NEB: variants seen among roughly 807,000 people sequenced by gnomAD.
NEB encodes the protein nemaline myopathy type 2.
A neutral mutation model predicts 952.2 loss-of-function variants in NEB; 512 were observed. The ratio of observed to expected loss-of-function variants is 0.54; its 90% CI spans 0.50 to 0.58. NEB has a LOEUF of 0.58. NEB is among the 20% of genes least tolerant of loss of function. The pLI is 0.00. For synonymous variants in NEB, 2,900 were observed against 3,149.8 expected, an observed-to-expected ratio of 0.92 and a Z score of 2.66; for missense variants, 8,428 against 9,231.1, an observed-to-expected ratio of 0.91 and a Z score of 3.56.
In NEB at chr2:151,558,858, C is replaced by T. The variant is rs550614355; in HGVS notation, c.19314+1734G>A. On this transcript the variant is annotated intron_variant, in intron 124 of 181. Transcript: ENST00000397345. ...AAACCATAAAAACCCCAGAAGAAAA[C>T]CTAGGCAATACCTTTCAGGACACAG... is the stretch of plus-strand genomic sequence containing the variant. 2.1e-3 allele frequency among the ~76,000 whole-genome samples: 324 copies of T among 152,238 alleles called. 2 individuals are homozygous for T. The highest frequency in any genetic ancestry group is 7.3e-3 in the African/African-American group (303 of 41,544).
chr2:151,563,981 G>T, intron 117 of NEB, 51 bp from the exon 118 acceptor site: 1 of 1,323,430 alleles, frequency 7.6e-7, no homozygotes, highest in Non-Finnish European at 1.1e-6. Context: ...ACTTCTTTCA[G>T]ATACCACTAA....
In NEB at chr2:151,524,414, A is replaced by C. The variant is rs1235674753; in HGVS notation, c.22376T>G (p.Val7459Gly). 1.2e-6 allele frequency: 2 copies of C among 1,613,822 alleles called. No homozygotes were observed. Among genetic ancestry groups the C allele is most frequent in the East Asian group, 2.2e-5 (1 of 44,864 alleles). ...ATQAAKQASEVEYRAKHRKEG... is the reference protein window; with the variant it reads ...ATQAAKQASEGEYRAKHRKEG... ...CTTGCGGTGCTTGGCTCTGTACTCC[A>C]CCTGAATCAGAGAAAACCAAAATGG... The change falls in exon 153 of 182, where the codon GTG becomes GGG. Residue 7459 changes from valine to glycine, a missense_variant and splice_region_variant. Around this residue, in one of 11 missense-constraint regions of NEB, gnomAD observed 3,374 missense variants for 3,651.5 expected, o/e 0.92. Coordinates refer to ENST00000397345, the MANE Select transcript of NEB (RefSeq NM_001164508.2).
chr2:151,645,256 G>A (rs999939690), intron 55 of NEB, among the ~76,000 whole-genome samples: 35 of 152,256 alleles, frequency 2.3e-4, no homozygotes, highest in African/African-American at 8.4e-4. Flanking sequence ...TTAGAAAAGA[G>A]CATCTAATTC....
Position 151,628,903 on chromosome 2 carries a change from AAAGAAGAAG to A in NEB, c.9831+627_9831+635del, listed in dbSNP as rs34182658. ...CAAACAAACAAACAAAAACAAAAGA[AAAGAAGAAG>A]AAGAAGAAGAAGAAGAAGTCTGAAT... On this transcript the variant is annotated intron_variant, in intron 68 of 181. Transcript: ENST00000397345. 4.0e-4 allele frequency among the ~76,000 whole-genome samples: 61 copies of A among 150,826 alleles called. 1 individual carries two copies. The highest frequency in any genetic ancestry group is 7.3e-4 in the Admixed American group (11 of 15,086).
At chr2:151,563,514 C>A in intron 119 of NEB, 92 bp downstream of exon 119, 3 of 1,107,482 alleles carry the variant, frequency 2.7e-6, no homozygotes, top group Non-Finnish European at 4.1e-6. Flanking sequence ...CATTTCCCAG[C>A]TAACCTGAAC....
intron 32 of NEB, among the ~76,000 whole-genome samples, chr2:151,678,485 T>C (rs2099389943): frequency 6.6e-6 from 1 of 152,218 alleles, no homozygotes; most frequent in Admixed American, 6.5e-5. Flanking sequence ...TTCCTTTGCA[T>C]TTAGACATTG....
At chr2:151,695,081 A>T (rs1362206745) in intron 18 of NEB, among the ~76,000 whole-genome samples, 1 of 152,186 alleles carries the variant, frequency 6.6e-6, no homozygotes, top group Non-Finnish European at 1.5e-5. Context: ...AACCCCAAGG[A>T]TAATTTAACT....
rs771170217 is a variant in NEB at position 151,568,623 on chromosome 2, C to T, written c.17629G>A (p.Asp5877Asn). ...TAAAACAGCCATATACTTACATCAT[C>T]GAGGATCTCGCCACTTTGTTTCGCT... ...VTAKQSGEIL[D>N]DIKYRKDWNA... Residue 5877 changes from aspartate to asparagine, a missense_variant, in exon 111 of 182, where the codon GAT becomes AAT. Asp to Asn is a conservative substitution (Grantham distance 23). Transcript: ENST00000397345. The T allele has an allele frequency of 1.2e-5, 19 of 1,604,034 alleles. No individual in the cohort carries two copies. Among genetic ancestry groups the T allele is most frequent in the African/African-American group, 2.7e-5 (2 of 74,828 alleles).
At chr2:151,530,361 T>G (rs964133706) in intron 145 of NEB, among the ~76,000 whole-genome samples, 4 of 152,192 alleles carry the variant, frequency 2.6e-5, no homozygotes, top group Non-Finnish European at 4.4e-5. Flanking sequence ...CACCCACTTT[T>G]GCTCTTCTTA....
chr2:151,531,612 C>T (rs1479665800), intron 144 of NEB, among the ~76,000 whole-genome samples, 180 bp downstream of exon 144: 16 of 152,152 alleles, frequency 1.1e-4, no homozygotes, highest in East Asian at 3.9e-4. Context: ...CCACCACGCC[C>T]GGCCACAACA....
Position 151,493,818 on chromosome 2 carries a change from G to T in NEB, c.24629C>A (p.Pro8210His). Residue 8210 changes from proline to histidine, a missense_variant, in exon 175 of 182, where the codon CCT (proline) becomes CAT (histidine). Pro to His is a moderately conservative substitution (Grantham distance 77, BLOSUM62 -2). This residue lies in a region of NEB where 3,374 missense variants were observed against 3,651.5 expected (regional missense o/e 0.92). Transcript: ENST00000397345. The part of the protein sequence containing the change: ...LGKATPTPFT[P>H]EMERVKRNQE... ...ATTGCGTTTCACTCTTTCCATCTCA[G>T]GAGTAAAGGGTGTGGGGGTTGCTTT... 6.3e-7 allele frequency: 1 copy of T among 1,588,342 alleles called. No homozygotes were observed. Among genetic ancestry groups the T allele is most frequent in the South Asian group, 1.2e-5 (1 of 86,900 alleles).
In NEB at chr2:151,652,904, A is replaced by G. The variant is rs1275404299; in HGVS notation, c.6915+1088T>C. ...CTTTAGCACATAGCACTAAATGGAA[A>G]TGAGTTTACACATCATTATTGCTTT... On this transcript the variant is annotated intron_variant, in intron 52 of 181. Transcript: ENST00000397345. Among the ~76,000 whole-genome samples the G allele has an allele frequency of 2.6e-5, 4 of 152,312 alleles. No individual in the cohort carries two copies. In the East Asian group the frequency reaches 7.7e-4, roughly 29 times the overall value.
Position 151,614,371 on chromosome 2 carries a change from C to T in NEB, c.11506G>A (p.Asp3836Asn), listed in dbSNP as rs758723038. 5.6e-6 allele frequency: 9 copies of T among 1,613,860 alleles called. No individual in the cohort carries two copies. The highest frequency in any genetic ancestry group is 3.3e-4 in the Middle Eastern group (2 of 6,056). The change falls in exon 77 of 182, where the codon GAC becomes AAC. Residue 3836 changes from aspartate (D) to asparagine (N), a missense_variant. Asp to Asn is a conservative substitution (Grantham distance 23). Coordinates refer to ENST00000397345, the MANE Select transcript of NEB (RefSeq NM_001164508.2). ...TGCAGGGGATGCTTGTAGTCTATGT[C>T]GCTTACAAGGATCTGACACTTCTTG... The part of the protein sequence containing the change: ...LAKKCQILVS[D>N]IDYKHPLHEW...
intron 109 of NEB, among the ~76,000 whole-genome samples, chr2:151,569,873 G>C (rs140169473): frequency 1.3e-5 from 2 of 152,242 alleles, no homozygotes; most frequent in African/African-American, 4.8e-5. Flanking sequence ...ATTAAGACCT[G>C]TATTCATACT....
Position 151,613,770 on chromosome 2 carries a change from C to G in NEB, c.11601+506G>C, listed in dbSNP as rs547506442. On this transcript the variant is annotated intron_variant, in intron 77 of 181. Coordinates refer to ENST00000397345, the MANE Select transcript of NEB (RefSeq NM_001164508.2). ...AGTGTGTAGCACTTCCCCCTTTGCT[C>G]TCTCTCTCCTGCTCCACCATGTGAA... Among the ~76,000 whole-genome samples, 4 of 152,286 alleles carry G rather than the reference C, an allele frequency of 2.6e-5. No homozygotes were observed. In the East Asian group the frequency reaches 5.8e-4, roughly 22 times the overall value.
rs749875634 is a variant in NEB at position 151,567,349 on chromosome 2, T to C, written c.17975A>G (p.Asp5992Gly). The C allele has an allele frequency of 3.7e-6, 6 of 1,613,806 alleles. No homozygotes were observed. The highest frequency in any genetic ancestry group is 5.1e-6 in the Non-Finnish European group (6 of 1,179,850). ...QIQNERLYKE[D>G]YHKTKAKINI... ...GATTTTGGCCTTTGTTTTGTGATAG[T>C]CCTCTTTGTATAGTCTCTCATTCTG... The change falls in exon 114 of 182, where the codon GAC becomes GGC. Residue 5992 changes from aspartate to glycine, a missense_variant. This residue lies in a region of NEB where 3,374 missense variants were observed against 3,651.5 expected (regional missense o/e 0.92). Transcript: ENST00000397345.
chr2:151,677,843 AG>A (rs535973187), intron 33 of NEB, 32 bp downstream of exon 33: 3 of 1,606,392 alleles, frequency 1.9e-6, no homozygotes, highest in East Asian at 2.2e-5. Context: ...TGAACTTAAT[AG>A]GGGGGTTTCT....
At chr2:151,532,529 T>C (rs1238660826) in intron 143 of NEB, among the ~76,000 whole-genome samples, 2 of 152,166 alleles carry the variant, frequency 1.3e-5, no homozygotes, top group Non-Finnish European at 2.9e-5. Flanking sequence ...GAAGCTGTTT[T>C]AAGCAGGACA....
At position 151,650,613 on chromosome 2, in the gene NEB, A is replaced by G. The variant is rs2154135035; in HGVS notation, c.7188T>C (p.Asp2396=). 1 of 1,604,102 alleles carries G rather than the reference A, an allele frequency of 6.2e-7. No individual in the cohort carries two copies. Among genetic ancestry groups the G allele is most frequent in the Non-Finnish European group, 8.5e-7 (1 of 1,174,494 alleles). The change falls in exon 53 of 182, where the codon GAT becomes GAC. Residue 2396 remains aspartate, a synonymous_variant. Transcript: ENST00000397345. ...CATAAACTTTCTTAGCTTGCACAACATCGTTCTGATCAGGCAGACATGTCC... is the reference window on the plus strand; with the variant it reads ...CATAAACTTTCTTAGCTTGCACAACGTCGTTCTGATCAGGCAGACATGTCC... ...HQWTCLPDQN[D]VVQAKKVYEL...
Sources: allele counts gnomAD v4.1 joint callset (sites outside exome capture counted in the v4.1 genomes callset), GRCh38; gene constraint gnomAD v4.1.1; regional missense constraint gnomAD v4.1.1; transcripts MANE v1.5; gene names NCBI Gene and HGNC (gene_info 2026-07-23, HGNC 2026-07-21).